Variants in PAPPA2 observed in about 807,000 individuals in gnomAD.
PAPPA2 encodes the protein pappalysin-2.
A neutral mutation model predicts 176.4 loss-of-function variants in PAPPA2; 86 were observed. The observed-to-expected ratio is 0.49, with a 90% CI of 0.41 to 0.58. The LOEUF (loss-of-function observed/expected upper bound fraction) is 0.58, where lower values mean the gene tolerates loss of function less well. PAPPA2 is among the 20% of genes least tolerant of loss of function. The pLI is 0.00. For synonymous variants in PAPPA2, 809 were observed against 852.2 expected (o/e 0.95, Z 0.88); for missense variants, 2,073 against 2,256.9 (o/e 0.92, Z 1.65).
At chr1:176,550,924 G>C (rs961644443) in intron 1 of PAPPA2, among the ~76,000 whole-genome samples, 2 of 152,168 alleles carry the variant, frequency 1.3e-5, no homozygotes, top group Non-Finnish European at 2.9e-5. Context: ...GCCAGTGTTC[G>C]ATACTGCCTT....
intron 12 of PAPPA2, among the ~76,000 whole-genome samples, chr1:176,730,061 CTT>C: frequency 6.6e-6 from 1 of 151,690 alleles, no homozygotes; most frequent in East Asian, 1.9e-4. Context: ...ATTGGGTAAT[CTT>C]TTATTTTTGA....
At chr1:176,509,015 G>A (rs2102520568) in intron 1 of PAPPA2, among the ~76,000 whole-genome samples, 1 of 151,934 alleles carries the variant, frequency 6.6e-6, no homozygotes, top group African/African-American at 2.4e-5. Context: ...ATTTCAAGCA[G>A]TCTGACATAT....
chr1:176,566,002 A>C (rs11806613), intron 2 of PAPPA2, among the ~76,000 whole-genome samples: 1 of 152,224 alleles, frequency 6.6e-6, no homozygotes, highest in East Asian at 1.9e-4. Context: ...TGAACCCTCA[A>C]TGATAGGCAT....
At chr1:176,561,048 T>G (rs1651639461) in intron 2 of PAPPA2, among the ~76,000 whole-genome samples, 1 of 152,242 alleles carries the variant, frequency 6.6e-6, no homozygotes, top group Non-Finnish European at 1.5e-5. Context: ...CCTCTGAGGA[T>G]CCGAGCATTA....
chr1:176,567,540 A>G (rs756555340), intron 2 of PAPPA2, among the ~76,000 whole-genome samples: 2 of 152,204 alleles, frequency 1.3e-5, no homozygotes, highest in Non-Finnish European at 2.9e-5. Flanking sequence ...GTTTAGTTTT[A>G]TTTGTTCATT....
chr1:176,672,188 T>C (rs933785057), intron 4 of PAPPA2, among the ~76,000 whole-genome samples: 11 of 152,158 alleles, frequency 7.2e-5, no homozygotes, highest in Middle Eastern at 6.8e-3. Context: ...TATAAACATA[T>C]GGATAAAGAG....
intron 14 of PAPPA2, among the ~76,000 whole-genome samples, chr1:176,754,792 T>A (rs1663340602): frequency 6.6e-6 from 1 of 152,242 alleles, no homozygotes; most frequent in African/African-American, 2.4e-5. Context: ...CAAGGTTCTG[T>A]CATTTTGCCA....
At chr1:176,614,045 A>G (rs183351237) in intron 3 of PAPPA2, among the ~76,000 whole-genome samples, 5 of 152,356 alleles carry the variant, frequency 3.3e-5, no homozygotes, top group Admixed American at 3.3e-4. Flanking sequence ...GAAAAACTCC[A>G]ATGATGAGTG....
At chr1:176,811,954 G>A (rs1368911399) in intron 21 of PAPPA2, among the ~76,000 whole-genome samples, 1 of 151,630 alleles carries the variant, frequency 6.6e-6, no homozygotes, top group African/African-American at 2.4e-5. Flanking sequence ...AACATTAAAA[G>A]CACAACCAAC....
At chr1:176,710,227 A>T (rs1283645643) in intron 11 of PAPPA2, 51 bp downstream of exon 11, 1 of 1,515,808 alleles carries the variant, frequency 6.6e-7, no homozygotes, top group Non-Finnish European at 9.1e-7. Context: ...TTGTAAAGTG[A>T]CTCCCCCTAT....
intron 3 of PAPPA2, among the ~76,000 whole-genome samples, chr1:176,670,314 C>T (rs1658916771): frequency 6.6e-6 from 1 of 152,200 alleles, no homozygotes; most frequent in Non-Finnish European, 1.5e-5. Flanking sequence ...TTCAAAGTCA[C>T]CAATAAACAT....
At chr1:176,472,007 C>T (rs914221825) in intron 1 of PAPPA2, among the ~76,000 whole-genome samples, 1 of 152,180 alleles carries the variant, frequency 6.6e-6, no homozygotes, top group Admixed American at 6.5e-5. Flanking sequence ...GGTTGTCTCT[C>T]TTTGTGACTT....
intron 14 of PAPPA2, among the ~76,000 whole-genome samples, chr1:176,761,478 C>T (rs966847115): frequency 1.3e-5 from 2 of 152,174 alleles, no homozygotes; most frequent in Non-Finnish European, 2.9e-5. Context: ...GGCAGGACAT[C>T]GTGCAGACAG....
intron 3 of PAPPA2, 47 bp downstream of exon 3, chr1:176,595,642 A>G (rs1573098083): frequency 1.3e-6 from 2 of 1,538,364 alleles, no homozygotes; most frequent in Non-Finnish European, 1.8e-6. Flanking sequence ...ATGCATTTCT[A>G]ACATCATTTT....
At chr1:176,826,491 G>A (rs12131804) in intron 21 of PAPPA2, among the ~76,000 whole-genome samples, 12,943 of 152,238 alleles carry the variant, frequency 0.085, 599 homozygotes, top group African/African-American at 0.11. Context: ...CCATATGGGT[G>A]AAAGTGAGAC....
At chr1:176,577,224 T>C (rs1208088046) in intron 2 of PAPPA2, among the ~76,000 whole-genome samples, 1 of 152,120 alleles carries the variant, frequency 6.6e-6, no homozygotes, top group Admixed American at 6.5e-5. Context: ...TTATCCCCCA[T>C]CTCACCATTC....
intron 1 of PAPPA2, among the ~76,000 whole-genome samples, chr1:176,519,644 T>C (rs1354546273): frequency 6.6e-6 from 1 of 152,188 alleles, no homozygotes; most frequent in East Asian, 1.9e-4. Context: ...TTTGGAAGAC[T>C]TGGCTGCTGG....
chr1:176,616,489 C>A, intron 3 of PAPPA2: 1 of 831,122 alleles, frequency 1.2e-6, no homozygotes. Flanking sequence ...CAATTAACAG[C>A]AATATAACAA....
At position 176,769,991 on chromosome 1, in the gene PAPPA2, T is replaced by C. The variant is rs143488730; in HGVS notation, c.4501+207T>C. 6.0e-3 allele frequency among the ~76,000 whole-genome samples: 907 copies of C among 152,346 alleles called. 12 individuals are homozygous for C. Among genetic ancestry groups the C allele is most frequent in the African/African-American group, 0.02 (844 of 41,576 alleles). On this transcript the variant is annotated intron_variant, in intron 16 of 22. Transcript: ENST00000367662. ...AAGGATGCACTGGCTCAGGTTCTAA[T>C]GAATGAAGGAATCTTAGACTTTCCT...
Sources: allele counts gnomAD v4.1 joint callset (sites outside exome capture counted in the v4.1 genomes callset), GRCh38; gene constraint gnomAD v4.1.1; transcripts MANE v1.5; gene names NCBI Gene and HGNC (gene_info 2026-07-23, HGNC 2026-07-21).